The following ERBB4 variants were observed in gnomAD, a reference collection of about 807,000 sequenced individuals.
ERBB4 encodes erb-b2 receptor tyrosine kinase 4.
ERBB4 carries 42 observed loss-of-function variants against 158.0 expected under a neutral mutation model. The ratio of observed to expected loss-of-function variants is 0.27; its 90% confidence interval spans 0.21 to 0.34. The LOEUF (loss-of-function observed/expected upper bound fraction) is 0.34. ERBB4 is among the 10% of genes least tolerant of loss of function. The probability of loss-of-function intolerance (pLI) is 1.00; values close to 1 mark genes in which losing one functional copy is unlikely to be tolerated. For missense variants in ERBB4, 1,333 were observed against 1,624.1 expected, an observed-to-expected ratio of 0.82 and a Z score of 3.08; for synonymous variants, 583 against 558.7, an observed-to-expected ratio of 1.04 and a Z score of -0.61.
At chr2:211,997,442 A>C (rs1048280121) in intron 2 of ERBB4, among the ~76,000 whole-genome samples, 4 of 152,172 alleles carry the variant, frequency 2.6e-5, no homozygotes, top group African/African-American at 9.6e-5. Flanking sequence ...ACATTAAATT[A>C]AGGGAAAACT....
chr2:211,609,320 GC>G (rs1450356142), intron 19 of ERBB4, among the ~76,000 whole-genome samples: 1 of 152,070 alleles, frequency 6.6e-6, no homozygotes, highest in East Asian at 1.9e-4. Context: ...AGAGGGCCCT[GC>G]CCCCACACCC....
At chr2:211,546,691 T>A (rs2066949454) in intron 20 of ERBB4, among the ~76,000 whole-genome samples, 1 of 152,122 alleles carries the variant, frequency 6.6e-6, no homozygotes, top group Non-Finnish European at 1.5e-5. Flanking sequence ...CTAGGCTACA[T>A]AACTACACAG....
chr2:211,854,067 G>A (rs905847451), intron 3 of ERBB4, among the ~76,000 whole-genome samples: 4 of 152,030 alleles, frequency 2.6e-5, no homozygotes, highest in Non-Finnish European at 5.9e-5. Flanking sequence ...ACAATGTTAC[G>A]GTGTTTGAAT....
At chr2:212,081,308 C>A (rs933018619) in intron 2 of ERBB4, among the ~76,000 whole-genome samples, 1 of 152,078 alleles carries the variant, frequency 6.6e-6, no homozygotes, top group Admixed American at 6.6e-5. Flanking sequence ...TTGTAATCCT[C>A]TTCTAGAATG....
chr2:211,704,397 C>G (rs934325866), intron 10 of ERBB4, among the ~76,000 whole-genome samples: 2 of 152,080 alleles, frequency 1.3e-5, no homozygotes, highest in African/African-American at 4.8e-5. Flanking sequence ...TATGTTGAAA[C>G]GTTTCAATGA....
At chr2:212,136,280 T>C (rs2080268868) in intron 1 of ERBB4, among the ~76,000 whole-genome samples, 1 of 152,218 alleles carries the variant, frequency 6.6e-6, no homozygotes, top group South Asian at 2.1e-4. Context: ...TTCTCTTGCA[T>C]TGGTTTCAGA....
chr2:211,575,731 A>T (rs2067869423), intron 19 of ERBB4, among the ~76,000 whole-genome samples: 1 of 152,172 alleles, frequency 6.6e-6, no homozygotes, highest in Non-Finnish European at 1.5e-5. Flanking sequence ...CTTTATACTT[A>T]ATAAACTATA....
intron 2 of ERBB4, among the ~76,000 whole-genome samples, chr2:212,081,241 C>G (rs768914794): frequency 6.6e-6 from 1 of 152,086 alleles, no homozygotes; most frequent in Middle Eastern, 3.2e-3. Context: ...CAGTGATCAA[C>G]CAAACTGCAG....
At chr2:211,395,116 TC>T (rs753050759) in intron 25 of ERBB4, among the ~76,000 whole-genome samples, 11 of 152,072 alleles carry the variant, frequency 7.2e-5, no homozygotes, top group African/African-American at 2.7e-4. Flanking sequence ...TATAAAGTTT[TC>T]TCTCATAAAT....
intron 19 of ERBB4, among the ~76,000 whole-genome samples, chr2:211,565,067 G>T (rs537577172): frequency 6.6e-6 from 1 of 152,110 alleles, no homozygotes; most frequent in Admixed American, 6.5e-5. Context: ...ATGAGAGATT[G>T]CTCAATAGGT....
intron 20 of ERBB4, among the ~76,000 whole-genome samples, chr2:211,471,504 CA>C (rs1309133629): frequency 6.6e-6 from 1 of 150,624 alleles, no homozygotes; most frequent in Admixed American, 6.6e-5. Context: ...AAAGCAGCGC[CA>C]AAAAAAAACT....
chr2:211,410,997 C>T (rs1159845777), intron 25 of ERBB4, among the ~76,000 whole-genome samples: 1 of 152,158 alleles, frequency 6.6e-6, no homozygotes, highest in Non-Finnish European at 1.5e-5. Context: ...CAGCCTCCAC[C>T]TCCCGGGTTC....
Position 212,114,173 on chromosome 2 carries a change from G to C in ERBB4, c.234+10579C>G, listed in dbSNP as rs2079505229. The stretch of plus-strand genomic sequence containing the variant: ...CTTAAATAATTGTCATAGTAGAAGT[G>C]CTACAAAGAAGCAGAGGGTGCTATG... On this transcript the variant is annotated intron_variant, in intron 2 of 27. Transcript: ENST00000342788. Among the ~76,000 whole-genome samples, 3 of 152,296 alleles carry C rather than the reference G, an allele frequency of 2.0e-5. No homozygotes were observed. In the South Asian group the frequency reaches 6.2e-4, roughly 32 times the overall value.
intron 20 of ERBB4, among the ~76,000 whole-genome samples, chr2:211,450,952 C>T (rs376192155): frequency 3.9e-5 from 6 of 152,090 alleles, no homozygotes; most frequent in Admixed American, 3.3e-4. Flanking sequence ...CCTTGCATAT[C>T]GTAAGTGGAT....
intron 1 of ERBB4, among the ~76,000 whole-genome samples, chr2:212,493,063 T>C (rs1690366233): frequency 6.6e-6 from 1 of 151,436 alleles, no homozygotes; most frequent in African/African-American, 2.4e-5. Context: ...GTTAAATACA[T>C]TCTGATTATT....
At chr2:212,530,992 G>A (rs1290835910) in intron 1 of ERBB4, among the ~76,000 whole-genome samples, 1 of 152,096 alleles carries the variant, frequency 6.6e-6, no homozygotes, top group Non-Finnish European at 1.5e-5. Flanking sequence ...TCAGAAACTG[G>A]ATCTTGCATA....
intron 19 of ERBB4, among the ~76,000 whole-genome samples, chr2:211,596,221 A>C (rs904002973): frequency 6.6e-6 from 1 of 152,000 alleles, no homozygotes; most frequent in African/African-American, 2.4e-5. Flanking sequence ...TTCACAGCAA[A>C]AAAAAAAAGT....
Position 211,579,641 on chromosome 2 carries a change from C to T in ERBB4, c.2302-17553G>A, listed in dbSNP as rs577768574. ...CCATAAAAAGGAATGAGATCATGTC[C>T]TTTATAGAGATGTAGATGGAACTAG... On this transcript the variant is annotated intron_variant, in intron 19 of 27. Coordinates refer to ENST00000342788, the MANE Select transcript of ERBB4 (RefSeq NM_005235.3). Among the ~76,000 whole-genome samples the T allele has an allele frequency of 5.5e-3, 832 of 152,204 alleles. 4 individuals are homozygous for T. The highest frequency in any genetic ancestry group is 8.3e-3 in the Non-Finnish European group (562 of 68,014).
At chr2:212,049,213 T>C (rs2125391091) in intron 2 of ERBB4, among the ~76,000 whole-genome samples, 1 of 152,346 alleles carries the variant, frequency 6.6e-6, no homozygotes. Context: ...ACTGTAATTA[T>C]AATATCTCTG....
Sources: allele counts gnomAD v4.1 joint callset (sites outside exome capture counted in the v4.1 genomes callset), GRCh38; gene constraint gnomAD v4.1.1; transcripts MANE v1.5; gene names NCBI Gene and HGNC (gene_info 2026-07-23, HGNC 2026-07-21).